HIPK3: variants seen among roughly 807,000 people sequenced by gnomAD.
The protein encoded by HIPK3 is homeodomain-interacting protein kinase 3.
Under a neutral mutation model 124.2 loss-of-function variants are expected in HIPK3, and 47 were observed. That is an observed-to-expected ratio of 0.38 (90% confidence interval 0.30 to 0.48). The LOEUF (loss-of-function observed/expected upper bound fraction) is 0.48. Ranked by LOEUF, HIPK3 falls within the 20% of genes least tolerant of loss-of-function variation. The probability of loss-of-function intolerance (pLI) is 0.98; values close to 1 mark genes in which losing one functional copy is unlikely to be tolerated. For missense variants in HIPK3, 1,286 were observed against 1,454.3 expected (o/e 0.88, Z 1.88); for synonymous variants, 482 against 515.2 (o/e 0.94, Z 0.87).
At chr11:33,289,629 A>G (rs978660608) in intron 2 of HIPK3, among the ~76,000 whole-genome samples, 5 of 152,196 alleles carry the variant, frequency 3.3e-5, no homozygotes, top group African/African-American at 1.2e-4. Flanking sequence ...TGGACTATCC[A>G]TTGCTTCAAG....
intron 3 of HIPK3, among the ~76,000 whole-genome samples, chr11:33,333,672 C>T (rs966100055): frequency 7.2e-5 from 11 of 152,112 alleles, no homozygotes; most frequent in African/African-American, 2.7e-4. Flanking sequence ...TCACTGGCCA[C>T]TTTTGTTTGT....
chr11:33,351,482 A>T, intron 14 of HIPK3, 126 bp from the exon 15 acceptor site: 1 of 648,652 alleles, frequency 1.5e-6, no homozygotes, highest in Non-Finnish European at 2.7e-6. Flanking sequence ...ACAAGGAAAA[A>T]GGTGTAATTA....
intron 5 of HIPK3, 74 bp downstream of exon 5, chr11:33,338,917 T>C (rs1853244761): frequency 1.0e-6 from 1 of 977,652 alleles, no homozygotes; most frequent in East Asian, 2.5e-5. Flanking sequence ...GCCCAAAACA[T>C]GTTACTCAGT....
Position 33,337,481 on chromosome 11 carries a change from A to G in HIPK3, c.1341+287A>G, listed in dbSNP as rs550728957. On this transcript the variant is annotated intron_variant, in intron 4 of 16. Transcript: ENST00000303296. ...ACCAATTCGCCTGCCTCAGCCTCCC[A>G]AGTAGCTGGGACTACAGGCTTGCAC... Among the ~76,000 whole-genome samples the G allele has an allele frequency of 1.7e-3, 255 of 151,570 alleles. 3 individuals carry two copies. The highest frequency in any genetic ancestry group is 5.7e-3 in the Admixed American group (86 of 15,204).
intron 2 of HIPK3, among the ~76,000 whole-genome samples, chr11:33,298,412 T>G (rs1851900507): frequency 6.6e-6 from 1 of 152,248 alleles, no homozygotes; most frequent in South Asian, 2.1e-4. Flanking sequence ...ATAATATTGT[T>G]TTCATGTTTG....
chr11:33,289,191 A>T (rs1037289159), intron 2 of HIPK3, among the ~76,000 whole-genome samples: 7 of 152,174 alleles, frequency 4.6e-5, no homozygotes, highest in African/African-American at 1.7e-4. Context: ...GACACCTGCA[A>T]TCCCAGCACT....
chr11:33,350,595 GC>G (rs1314796576), intron 14 of HIPK3, among the ~76,000 whole-genome samples: 1 of 151,878 alleles, frequency 6.6e-6, no homozygotes, highest in Non-Finnish European at 1.5e-5. Flanking sequence ...GATTATTTGA[GC>G]CCTGTAATTT....
At chr11:33,334,743 C>G (rs1232148988) in intron 3 of HIPK3, among the ~76,000 whole-genome samples, 1 of 152,102 alleles carries the variant, frequency 6.6e-6, no homozygotes, top group African/African-American at 2.4e-5. Context: ...GCCGGGACTT[C>G]TGGTTGGACA....
At chr11:33,315,009 A>G (rs1208647499) in intron 2 of HIPK3, among the ~76,000 whole-genome samples, 1 of 152,232 alleles carries the variant, frequency 6.6e-6, no homozygotes, top group Non-Finnish European at 1.5e-5. Flanking sequence ...CAAATGCAAT[A>G]CAAATATGTA....
At chr11:33,292,222 C>G (rs1349168635) in intron 2 of HIPK3, among the ~76,000 whole-genome samples, 1 of 152,130 alleles carries the variant, frequency 6.6e-6, no homozygotes, top group Non-Finnish European at 1.5e-5. Context: ...AAAACTGGGA[C>G]TTATGTAAGT....
intron 1 of HIPK3, among the ~76,000 whole-genome samples, chr11:33,266,811 T>G (rs1850977928): frequency 6.6e-6 from 1 of 152,232 alleles, no homozygotes; most frequent in Non-Finnish European, 1.5e-5. Flanking sequence ...ATTACCAGTT[T>G]TATCTTGTGA....
intron 2 of HIPK3, among the ~76,000 whole-genome samples, chr11:33,309,786 C>CTG (rs1248447740): frequency 1.3e-5 from 2 of 152,192 alleles, no homozygotes; most frequent in Non-Finnish European, 2.9e-5. Flanking sequence ...TACCAGTACA[C>CTG]TGTACTGCTA....
At chr11:33,257,365 C>G (rs1473943203), upstream of HIPK3, 1 of 984,800 alleles carries the variant, frequency 1.0e-6, no homozygotes, top group Non-Finnish European at 1.2e-6. Context: ...AGGAGGGGCC[C>G]GAGGCTGGGG....
In HIPK3 at chr11:33,355,325, A is replaced by G. The variant is rs945123493; in HGVS notation, c.*1757A>G. ...TTGCATCAGTATTTTATCTCTATTAATGTTTGTGCTCATCACTGCATATTA... is the reference window on the plus strand; with the variant it reads ...TTGCATCAGTATTTTATCTCTATTAGTGTTTGTGCTCATCACTGCATATTA... On this transcript the variant is annotated 3_prime_UTR_variant, in exon 17 of 17. Coordinates refer to ENST00000303296, the MANE Select transcript of HIPK3 (RefSeq NM_005734.5). The G allele has an allele frequency of 3.3e-5, 5 of 152,024 alleles. No homozygotes were observed. Among genetic ancestry groups the G allele is most frequent in the African/African-American group, 7.2e-5 (3 of 41,434 alleles). 9.4% of individuals were successfully genotyped at this position (152,024 alleles called of 1,614,324 possible). A position where few individuals can be genotyped will look rare whatever the true frequency, so the allele number is the denominator to read the frequency against.
intron 1 of HIPK3, chr11:33,258,596 C>G: frequency 1.0e-6 from 1 of 985,412 alleles, no homozygotes; most frequent in Non-Finnish European, 1.2e-6. Context: ...GTGGCTGCCG[C>G]CCGCTTCCCT....
intron 1 of HIPK3, among the ~76,000 whole-genome samples, chr11:33,272,378 G>A (rs942169614): frequency 6.6e-6 from 1 of 150,830 alleles, no homozygotes; most frequent in Non-Finnish European, 1.5e-5. Flanking sequence ...TAGCCTGGGC[G>A]ACAGAGTAAG....
At chr11:33,348,463 A>T in intron 12 of HIPK3, 59 bp from the exon 13 acceptor site, 1 of 1,376,126 alleles carries the variant, frequency 7.3e-7, no homozygotes, top group African/African-American at 1.5e-5. Flanking sequence ...AAGATACCTT[A>T]GACAATTGAT....
At chr11:33,275,815 A>T (rs1349561833) in intron 1 of HIPK3, among the ~76,000 whole-genome samples, 1 of 152,230 alleles carries the variant, frequency 6.6e-6, no homozygotes, top group East Asian at 1.9e-4. Flanking sequence ...ATACTTTTAA[A>T]TGAAGAAATT....
At chr11:33,285,712 T>A (rs1358954886) in intron 1 of HIPK3, among the ~76,000 whole-genome samples, 1 of 152,152 alleles carries the variant, frequency 6.6e-6, no homozygotes, top group East Asian at 1.9e-4. Context: ...TTGTCATTGG[T>A]TCATACATTT....
Sources: gnomAD v4.1 joint callset for allele counts (sites outside exome capture counted in the v4.1 genomes callset) on GRCh38, gnomAD v4.1.1 for gene constraint, MANE v1.5 for transcripts, NCBI Gene and HGNC (gene_info 2026-07-23, HGNC 2026-07-21) for gene names.